The following C6orf52 variants were observed in gnomAD, a reference collection of about 807,000 sequenced individuals.
The protein encoded by C6orf52 is putative uncharacterized protein C6orf52.
Under a neutral mutation model 16.6 loss-of-function variants are expected in C6orf52, and 16 were observed. The observed-to-expected ratio is 0.96, with a 90% CI of 0.65 to 1.46. The LOEUF is 1.46. C6orf52 is among the 40% of genes most tolerant of loss of function. The pLI, the probability that C6orf52 is intolerant of heterozygous loss-of-function variation, is 0.00. For synonymous variants in C6orf52, 53 were observed against 61.4 expected, an observed-to-expected ratio of 0.86 and a Z score of 0.64; for missense variants, 166 against 182.3, an observed-to-expected ratio of 0.91 and a Z score of 0.52.
At chr6:10,689,877 A>G (rs1216916190) in intron 1 of C6orf52, among the ~76,000 whole-genome samples, 2 of 152,244 alleles carry the variant, frequency 1.3e-5, no homozygotes, top group African/African-American at 2.4e-5. Flanking sequence ...TGTTTAGACC[A>G]CTATTGTTAT....
At chr6:10,684,587 A>G (rs568054704) in intron 3 of C6orf52, among the ~76,000 whole-genome samples, 1 of 152,374 alleles carries the variant, frequency 6.6e-6, no homozygotes, top group Non-Finnish European at 1.5e-5. Context: ...CCTCAGCTAG[A>G]GATAGTCTGG....
upstream of C6orf52, chr6:10,694,741 C>T (rs1249661050): frequency 1.9e-5 from 8 of 417,562 alleles, no homozygotes; most frequent in Admixed American, 8.5e-5. Context: ...ATTTTTTTCT[C>T]CTTGCAGTGA....
intron 4 of C6orf52, among the ~76,000 whole-genome samples, chr6:10,679,776 A>T (rs1768216717): frequency 6.6e-6 from 1 of 152,182 alleles, no homozygotes; most frequent in Non-Finnish European, 1.5e-5. Flanking sequence ...GAAAGTGGGC[A>T]TCCTTATCTG....
chr6:10,689,882 T>C (rs1271341334), intron 1 of C6orf52, among the ~76,000 whole-genome samples: 4 of 152,240 alleles, frequency 2.6e-5, no homozygotes, highest in African/African-American at 4.8e-5. Flanking sequence ...AGACCACTAT[T>C]GTTATGTCAG....
chr6:10,685,763 T>C (rs1050598523), intron 3 of C6orf52, among the ~76,000 whole-genome samples: 3 of 152,168 alleles, frequency 2.0e-5, no homozygotes, highest in African/African-American at 7.2e-5. Context: ...CAATAATAGA[T>C]AAATGCCTCC....
rs541969453 is a variant in C6orf52, at chr6:10,680,844, A to T, written c.316+2343T>A. On this transcript the variant is annotated intron_variant, in intron 4 of 4. Transcript: ENST00000259983. Reference sequence around the variant, plus strand: ...GAGACAGGGTCTCACTCTGTCACCCAGGCTGACATGCAGTGGCACATTCAT... The same window carrying T: ...GAGACAGGGTCTCACTCTGTCACCCTGGCTGACATGCAGTGGCACATTCAT... Among the ~76,000 whole-genome samples the T allele has an allele frequency of 6.0e-4, 91 of 152,342 alleles. 2 individuals are homozygous for T. Among genetic ancestry groups the T allele is most frequent in the Admixed American group, 4.5e-3 (69 of 15,298 alleles).
chr6:10,687,728 G>T (rs781652875), intron 1 of C6orf52, among the ~76,000 whole-genome samples, 167 bp from the exon 2 acceptor site: 1 of 152,122 alleles, frequency 6.6e-6, no homozygotes, highest in Non-Finnish European at 1.5e-5. Context: ...TCCTGACAAC[G>T]GGGCAAAGGT....
intron 4 of C6orf52, among the ~76,000 whole-genome samples, chr6:10,679,994 C>T (rs370004154): frequency 1.8e-3 from 271 of 152,276 alleles, no homozygotes; most frequent in African/African-American, 6.2e-3. Flanking sequence ...TGCTCATGCC[C>T]GTAATCCCAG....
intron 4 of C6orf52, among the ~76,000 whole-genome samples, 189 bp from the exon 5 acceptor site, chr6:10,671,787 T>C (rs1407202344): frequency 6.6e-6 from 1 of 152,188 alleles, no homozygotes; most frequent in Non-Finnish European, 1.5e-5. Context: ...ATAAAAGTAG[T>C]AGTGTCATCA....
chr6:10,678,891 G>A (rs551221104), intron 4 of C6orf52, among the ~76,000 whole-genome samples: 2 of 152,072 alleles, frequency 1.3e-5, no homozygotes, highest in East Asian at 1.9e-4. Flanking sequence ...TCAGGAGATC[G>A]AGACCATCCT....
chr6:10,691,325 T>A (rs1036414595), intron 1 of C6orf52, among the ~76,000 whole-genome samples: 2 of 152,028 alleles, frequency 1.3e-5, no homozygotes, highest in Admixed American at 1.3e-4. Flanking sequence ...CCCAAGTGAG[T>A]AATTCCTGTC....
chr6:10,691,521 CA>C (rs1279488460), intron 1 of C6orf52, among the ~76,000 whole-genome samples: 3 of 152,030 alleles, frequency 2.0e-5, no homozygotes, highest in East Asian at 3.9e-4. Flanking sequence ...CCGATTAGGT[CA>C]GGGGTCGATC....
At chr6:10,680,551 C>T (rs181796730) in intron 4 of C6orf52, among the ~76,000 whole-genome samples, 2 of 152,132 alleles carry the variant, frequency 1.3e-5, no homozygotes, top group African/African-American at 2.4e-5. Context: ...CAAAGTATTT[C>T]GTCTTCGATT....
intron 4 of C6orf52, among the ~76,000 whole-genome samples, chr6:10,673,405 T>C (rs985321812): frequency 6.6e-6 from 1 of 152,228 alleles, no homozygotes; most frequent in East Asian, 1.9e-4. Context: ...CTGTGAATCT[T>C]CTAGACCCAT....
intron 3 of C6orf52, among the ~76,000 whole-genome samples, chr6:10,685,346 C>T (rs1483405140): frequency 6.7e-6 from 1 of 149,764 alleles, no homozygotes; most frequent in African/African-American, 2.5e-5. Context: ...AGGGAAAAAC[C>T]CAAATTGGGC....
intron 1 of C6orf52, among the ~76,000 whole-genome samples, chr6:10,691,399 G>A (rs755980237): frequency 1.4e-4 from 21 of 150,276 alleles, no homozygotes; most frequent in Admixed American, 2.6e-4. Flanking sequence ...CTGAGCAAGC[G>A]GGGGTACATG....
chr6:10,693,595 G>C (rs947800076), intron 1 of C6orf52, among the ~76,000 whole-genome samples: 4 of 152,212 alleles, frequency 2.6e-5, no homozygotes, highest in Non-Finnish European at 4.4e-5. Flanking sequence ...GAGAAGGATG[G>C]ACTATGCATC....
At chr6:10,687,624 G>T in intron 1 of C6orf52, 63 bp from the exon 2 acceptor site, 2 of 944,126 alleles carry the variant, frequency 2.1e-6, no homozygotes, top group Non-Finnish European at 3.3e-6. Context: ...CTTGTGGGCT[G>T]AAACCTCTCA....
At chr6:10,694,286 C>T (rs969529380) in intron 1 of C6orf52, among the ~76,000 whole-genome samples, 3 of 143,578 alleles carry the variant, frequency 2.1e-5, no homozygotes, top group African/African-American at 8.7e-5. Flanking sequence ...AAAATGAAGG[C>T]TCACTGCTCC....
Sources: allele counts gnomAD v4.1 joint callset (sites outside exome capture counted in the v4.1 genomes callset), GRCh38; gene constraint gnomAD v4.1.1; transcripts MANE v1.5; gene names NCBI Gene and HGNC (gene_info 2026-07-23, HGNC 2026-07-21).